MTAP: variants seen among roughly 807,000 people sequenced by gnomAD.
The protein encoded by MTAP is S-methyl-5'-thioadenosine phosphorylase.
MTAP carries 33 observed loss-of-function variants against 33.6 expected under a neutral mutation model. The ratio of observed to expected loss-of-function variants is 0.98; its 90% confidence interval spans 0.74 to 1.31. The LOEUF (loss-of-function observed/expected upper bound fraction) is 1.31, where lower values mean the gene tolerates loss of function less well. MTAP is among the 40% of genes most tolerant of loss of function. MTAP has a pLI of 0.00. For missense variants in MTAP, 367 were observed against 360.0 expected (o/e 1.02, Z -0.16); for synonymous variants, 148 against 125.7 (o/e 1.18, Z -1.19).
intron 5 of MTAP, 95 bp from the exon 6 acceptor site, chr9:21,854,536 T>G (rs1268277192): frequency 2.1e-6 from 3 of 1,441,620 alleles, no homozygotes; most frequent in Non-Finnish European, 1.8e-6. Flanking sequence ...ACAAATCATC[T>G]TTAAGAAATC....
chr9:21,896,511 G>T (rs1384504809), intron 1 of MTAP, among the ~76,000 whole-genome samples: 1 of 152,060 alleles, frequency 6.6e-6, no homozygotes, highest in South Asian at 2.1e-4. Context: ...AAGAAGAAAA[G>T]AGAGAAGATT....
chr9:21,932,197 C>T (rs1347591583), downstream of MTAP: 6 of 152,140 alleles, frequency 3.9e-5, 1 homozygote, highest in Non-Finnish European at 8.8e-5. Flanking sequence ...CAAGCCAAAC[C>T]CCATCTTGCC....
At chr9:21,907,098 G>A (rs944473969) in intron 1 of MTAP, among the ~76,000 whole-genome samples, 1 of 152,200 alleles carries the variant, frequency 6.6e-6, no homozygotes, top group African/African-American at 2.4e-5. Flanking sequence ...AGCATGTGAT[G>A]ACAAAGCACA....
intron 1 of MTAP, among the ~76,000 whole-genome samples, chr9:21,803,807 A>G (rs1016574396): frequency 6.6e-6 from 1 of 152,132 alleles, no homozygotes; most frequent in East Asian, 1.9e-4. Context: ...TCGATTCCCT[A>G]CACTCGACTG....
At chr9:21,833,754 G>T (rs1825030462) in intron 4 of MTAP, among the ~76,000 whole-genome samples, 2 of 152,170 alleles carry the variant, frequency 1.3e-5, no homozygotes. Context: ...GTTTGCTTCT[G>T]CCAGGGGATG....
intron 1 of MTAP, among the ~76,000 whole-genome samples, chr9:21,881,745 G>A (rs1818015086): frequency 1.3e-5 from 2 of 151,874 alleles, no homozygotes; most frequent in African/African-American, 4.8e-5. Context: ...CCATAGATGT[G>A]GAAAAATTGG....
intron 1 of MTAP, among the ~76,000 whole-genome samples, chr9:21,905,052 G>A (rs895146137): frequency 6.6e-6 from 1 of 152,152 alleles, no homozygotes; most frequent in Non-Finnish European, 1.5e-5. Context: ...CAGTGGGCGT[G>A]TGTTACAGTG....
chr9:21,877,266 C>G (rs1234297851), intron 1 of MTAP, among the ~76,000 whole-genome samples: 1 of 151,656 alleles, frequency 6.6e-6, no homozygotes, highest in Non-Finnish European at 1.5e-5. Context: ...TGGGCTGAGA[C>G]TGGGGTTTTC....
At chr9:21,856,061 A>T in intron 6 of MTAP, 2 of 605,788 alleles carry the variant, frequency 3.3e-6, no homozygotes, top group Non-Finnish European at 4.1e-6. Flanking sequence ...TGTCTCTTTT[A>T]ATCTAATTTT....
chr9:21,876,998 A>G (rs114245016), intron 1 of MTAP, among the ~76,000 whole-genome samples: 1 of 152,148 alleles, frequency 6.6e-6, no homozygotes, highest in Admixed American at 6.6e-5. Context: ...TGAGCATGGA[A>G]TACTTTTCCA....
intron 5 of MTAP, among the ~76,000 whole-genome samples, chr9:21,853,797 AC>A (rs1825571759): frequency 6.6e-6 from 1 of 152,234 alleles, no homozygotes; most frequent in South Asian, 2.1e-4. Flanking sequence ...TTCTCAATTT[AC>A]ACTTGAGAAA....
At chr9:21,857,621 G>A (rs774865001) in intron 6 of MTAP, among the ~76,000 whole-genome samples, 7 of 152,168 alleles carry the variant, frequency 4.6e-5, no homozygotes, top group African/African-American at 1.7e-4. Flanking sequence ...AATAGCACGA[G>A]CTTCCATGAA....
chr9:21,875,183 G>C (rs2118666689), intron 1 of MTAP, among the ~76,000 whole-genome samples: 1 of 152,240 alleles, frequency 6.6e-6, no homozygotes, highest in Admixed American at 6.5e-5. Context: ...AATCCTTTGG[G>C]TATATGCCCA....
downstream of MTAP, among the ~76,000 whole-genome samples, chr9:21,940,434 A>G (rs1324793606): frequency 1.3e-5 from 2 of 152,216 alleles, no homozygotes; most frequent in Non-Finnish European, 2.9e-5. Context: ...ATATATTAGT[A>G]GAAAACTATA....
Position 21,818,317 on chromosome 9 carries a change from CTTTTTTTTTTTT to C in MTAP, c.347+131_347+142del, listed in dbSNP as rs35709813. 8.4e-3 allele frequency: 2,022 copies of C among 240,932 alleles called. 103 individuals are homozygous for C. The highest frequency in any genetic ancestry group is 0.075 in the African/African-American group (1,796 of 23,840). 14.9% of individuals were successfully genotyped at this position (240,932 alleles called of 1,614,324 possible). ...GAGGGCAGTGCCACAGACTCGCTTG[CTTTTTTTTTTTT>C]TTTTTTTTTTTTTTTGGAGACGGAG... On this transcript the variant is annotated intron_variant, in intron 4 of 7. Coordinates refer to ENST00000644715, the MANE Select transcript of MTAP (RefSeq NM_002451.4).
At chr9:21,869,760 T>G (rs1364666002), downstream of MTAP, among the ~76,000 whole-genome samples, 2 of 152,184 alleles carry the variant, frequency 1.3e-5, no homozygotes, top group East Asian at 3.9e-4. Context: ...GCTTCCAACC[T>G]AGTCTGAGCC....
At position 21,915,000 on chromosome 9, in the gene MTAP, T is replaced by TTTCCTTCCTTCC. The variant is rs367599453; in HGVS notation, c.148-15961_148-15950dup. On this transcript the variant is annotated intron_variant, in intron 1 of 1. Transcript: ENST00000577563. The stretch of plus-strand genomic sequence containing the variant: ...TAGCACATATCAATACTTTGTTTTC[T>TTTCCTTCCTTCC]TTCCTTCCTTCCTTCCTTCCTTCCT... Among the ~76,000 whole-genome samples, 692 of 83,520 alleles carry TTTCCTTCCTTCC rather than the reference T, an allele frequency of 8.3e-3. 2 individuals are homozygous for TTTCCTTCCTTCC. The highest frequency in any genetic ancestry group is 0.012 in the Admixed American group (84 of 6,864). 54.8% of individuals were successfully genotyped at this position (83,520 alleles called of 152,430 possible).
At chr9:21,848,255 G>T (rs117111622) in intron 5 of MTAP, among the ~76,000 whole-genome samples, 3,293 of 152,268 alleles carry the variant, frequency 0.022, 71 homozygotes, top group East Asian at 0.1. Context: ...CAGGCCCCTA[G>T]AGGTGAGGTT....
At chr9:21,897,662 T>A (rs1382295654) in intron 1 of MTAP, among the ~76,000 whole-genome samples, 6 of 152,148 alleles carry the variant, frequency 3.9e-5, no homozygotes, top group Non-Finnish European at 7.3e-5. Context: ...TAGCTGGGAA[T>A]CCAGCTTACA....
Sources: allele counts gnomAD v4.1 joint callset (sites outside exome capture counted in the v4.1 genomes callset), GRCh38; gene constraint gnomAD v4.1.1; transcripts MANE v1.5; gene names NCBI Gene and HGNC (gene_info 2026-07-23, HGNC 2026-07-21).